Variants in ERC2 observed in about 807,000 individuals in gnomAD.
ERC2 encodes ELKS/RAB6-interacting/CAST family member 2.
Under a neutral mutation model 114.8 loss-of-function variants are expected in ERC2, and 42 were observed. The observed-to-expected ratio is 0.37, with a 90% CI of 0.29 to 0.47. ERC2 has a LOEUF of 0.47. ERC2 is among the 20% of genes least tolerant of loss of function. The pLI is 0.99. For missense variants in ERC2, 939 were observed against 1,150.7 expected, an observed-to-expected ratio of 0.82 and a Z score of 2.66; for synonymous variants, 454 against 425.5, an observed-to-expected ratio of 1.07 and a Z score of -0.82.
chr3:55,930,980 G>A lies in ERC2; in HGVS notation c.2403+19445C>T, dbSNP rs139924548. On this transcript the variant is annotated intron_variant, in intron 13 of 17. Transcript: ENST00000288221. ...ACTTCTCAAAAGAAGACATTTATGC[G>A]GCCAACAAGAATATTAAAAAAGGCT... Among the ~76,000 whole-genome samples the A allele has an allele frequency of 5.8e-3, 876 of 152,188 alleles. 5 individuals carry two copies. The highest frequency in any genetic ancestry group is 6.8e-3 in the Non-Finnish European group (463 of 68,018).
At chr3:56,145,573 G>A (rs891894512) in intron 5 of ERC2, among the ~76,000 whole-genome samples, 7 of 152,050 alleles carry the variant, frequency 4.6e-5, no homozygotes, top group Non-Finnish European at 5.9e-5. Context: ...TCCAACAGAC[G>A]AGAGTTACAC....
At position 56,139,605 on chromosome 3, in the gene ERC2, G is replaced by A. The variant is rs745746407; in HGVS notation, c.1377C>T (p.Thr459=). The A allele has an allele frequency of 2.2e-5, 35 of 1,613,060 alleles. No individual in the cohort carries two copies. Among genetic ancestry groups the A allele is most frequent in the Non-Finnish European group, 2.9e-5 (34 of 1,179,592 alleles). Residue 459 remains threonine, a synonymous_variant, in exon 6 of 18, where the codon ACC becomes ACT. Transcript: ENST00000288221. ...ELLALQTKLE[T]LSNQNSDCKQ... is the part of the protein sequence containing the mutation. ...TGCAATCTGAATTTTGATTGCTGAG[G>A]GTTTCAAGCTTTGTTTGTAAGGCAA...
intron 3 of ERC2, among the ~76,000 whole-genome samples, chr3:56,236,680 T>A (rs1156375455): frequency 1.3e-5 from 2 of 152,210 alleles, no homozygotes; most frequent in East Asian, 3.9e-4. Flanking sequence ...GGTAATAATA[T>A]GAAAGCAGGT....
intron 17 of ERC2, among the ~76,000 whole-genome samples, chr3:55,630,521 G>C (rs1407558681): frequency 1.3e-5 from 2 of 152,170 alleles, no homozygotes; most frequent in Admixed American, 6.5e-5. Context: ...AGTAGACCCT[G>C]ACTGTGGGGA....
chr3:56,080,629 G>A (rs1292426992), intron 7 of ERC2, among the ~76,000 whole-genome samples, 188 bp downstream of exon 7: 1 of 152,108 alleles, frequency 6.6e-6, no homozygotes, highest in East Asian at 1.9e-4. Context: ...TAATCAAATA[G>A]AAAATTCATC....
At chr3:56,298,009 T>C (rs567947881) in intron 2 of ERC2, among the ~76,000 whole-genome samples, 2 of 152,284 alleles carry the variant, frequency 1.3e-5, no homozygotes, top group African/African-American at 4.8e-5. Context: ...CCTCTCAGGG[T>C]ATTGAATGCA....
At chr3:56,330,237 C>T (rs533612879) in intron 2 of ERC2, among the ~76,000 whole-genome samples, 2 of 152,206 alleles carry the variant, frequency 1.3e-5, no homozygotes, top group East Asian at 1.9e-4. Flanking sequence ...CAAGGTTTCG[C>T]TATGTTGCCC....
chr3:56,221,133 A>G (rs2049876456), intron 3 of ERC2, among the ~76,000 whole-genome samples: 1 of 152,112 alleles, frequency 6.6e-6, no homozygotes, highest in Admixed American at 6.5e-5. Flanking sequence ...AAGGAATTTC[A>G]AAATCTATAA....
At chr3:55,598,662 T>A (rs1320603955) in intron 17 of ERC2, among the ~76,000 whole-genome samples, 1 of 152,266 alleles carries the variant, frequency 6.6e-6, no homozygotes, top group African/African-American at 2.4e-5. Flanking sequence ...AATCTTAATG[T>A]TCCTTTGAAT....
At chr3:56,241,669 C>T (rs926458876) in intron 3 of ERC2, among the ~76,000 whole-genome samples, 4 of 152,062 alleles carry the variant, frequency 2.6e-5, no homozygotes, top group African/African-American at 9.7e-5. Flanking sequence ...ACAGATAGTT[C>T]CCCCTTCACC....
intron 17 of ERC2, among the ~76,000 whole-genome samples, chr3:55,529,963 A>G (rs1365509297): frequency 6.6e-6 from 1 of 152,114 alleles, no homozygotes; most frequent in Non-Finnish European, 1.5e-5. Context: ...CATTTTCAAG[A>G]TTAGGTCATT....
chr3:56,351,055 G>C (rs1194724481), intron 2 of ERC2, among the ~76,000 whole-genome samples: 1 of 152,122 alleles, frequency 6.6e-6, no homozygotes, highest in Non-Finnish European at 1.5e-5. Context: ...CTGGGGTGGA[G>C]GAGAGGGAGA....
intron 1 of ERC2, among the ~76,000 whole-genome samples, chr3:56,467,452 G>A (rs1033780871): frequency 6.6e-6 from 1 of 152,160 alleles, no homozygotes; most frequent in African/African-American, 2.4e-5. Flanking sequence ...AAATAAATAA[G>A]GCAGGGCCGA....
chr3:56,080,775 A>G, intron 7 of ERC2, 42 bp downstream of exon 7: 1 of 1,585,190 alleles, frequency 6.3e-7, no homozygotes, highest in Non-Finnish European at 8.6e-7. Flanking sequence ...ATGACAAAAC[A>G]TGGATGATAC....
chr3:55,848,050 G>A (rs2061437008), intron 14 of ERC2, among the ~76,000 whole-genome samples: 1 of 151,942 alleles, frequency 6.6e-6, no homozygotes, highest in African/African-American at 2.4e-5. Flanking sequence ...TGCCACCTCG[G>A]CCTCCCAAAG....
At position 56,252,714 on chromosome 3, in the gene ERC2, G is replaced by A. The variant is rs1042789504; in HGVS notation, c.1074+43305C>T. Among the ~76,000 whole-genome samples, 18 of 132,666 alleles carry A rather than the reference G, an allele frequency of 1.4e-4. No homozygotes were observed. In the South Asian group the frequency reaches 2.8e-3, roughly 20 times the overall value. The allele number at this position is 132,666 out of a possible 152,430, so 87.0% of individuals were successfully genotyped here. A position where few individuals can be genotyped will look rare whatever the true frequency, so the allele number is the denominator to read the frequency against. On this transcript the variant is annotated intron_variant, in intron 3 of 17. Coordinates refer to ENST00000288221, the MANE Select transcript of ERC2 (RefSeq NM_015576.3). ...AGAGGTTGTGGTGAGCCAAGGTCGC[G>A]CCATTGAACTCCAGCCTGGGCAACA...
At chr3:56,285,428 C>T (rs893343805) in intron 3 of ERC2, among the ~76,000 whole-genome samples, 7 of 152,032 alleles carry the variant, frequency 4.6e-5, no homozygotes, top group African/African-American at 7.2e-5. Flanking sequence ...ATGCACAGGA[C>T]AGCCCCACAC....
At chr3:55,906,790 G>A (rs2064481702) in intron 13 of ERC2, among the ~76,000 whole-genome samples, 1 of 152,154 alleles carries the variant, frequency 6.6e-6, no homozygotes, top group Admixed American at 6.5e-5. Context: ...CATTCATCCT[G>A]GAAAAGACCC....
At chr3:56,110,925 G>T (rs2078923971) in intron 6 of ERC2, among the ~76,000 whole-genome samples, 1 of 152,026 alleles carries the variant, frequency 6.6e-6, no homozygotes, top group South Asian at 2.1e-4. Context: ...TCTTATTAGG[G>T]TCTCTACCTG....
Sources: allele counts gnomAD v4.1 joint callset (sites outside exome capture counted in the v4.1 genomes callset), GRCh38; gene constraint gnomAD v4.1.1; transcripts MANE v1.5; gene names NCBI Gene and HGNC (gene_info 2026-07-23, HGNC 2026-07-21).